RAPGEF4: variants seen among roughly 807,000 people sequenced by gnomAD.
The protein encoded by RAPGEF4 is RAP guanine-nucleotide-exchange factor (GEF) 4.
In RAPGEF4, 66 loss-of-function variants were observed where a neutral mutation model predicts 147.9. That is an observed-to-expected ratio of 0.45 (90% CI 0.37 to 0.55). The LOEUF is 0.55. Among genes scored for constraint, RAPGEF4 ranks in the 20% least tolerant of loss-of-function variants. RAPGEF4 has a pLI of 0.00. For missense variants in RAPGEF4, 1,071 were observed against 1,257.3 expected (o/e 0.85, Z 2.24); for synonymous variants, 419 against 442.7 (o/e 0.95, Z 0.67).
intron 29 of RAPGEF4, among the ~76,000 whole-genome samples, chr2:173,047,869 G>T (rs189547749): frequency 1.1e-4 from 17 of 152,170 alleles, no homozygotes; most frequent in African/African-American, 3.9e-4. Context: ...GTAGAGAGGG[G>T]GTTTCACCGT....
intron 15 of RAPGEF4, among the ~76,000 whole-genome samples, chr2:172,991,615 C>G (rs1692847570): frequency 6.6e-6 from 1 of 152,080 alleles, no homozygotes; most frequent in Non-Finnish European, 1.5e-5. Flanking sequence ...TAAGAAATTA[C>G]AGAAAATTGC....
At chr2:172,911,189 G>C (rs1426240012) in intron 4 of RAPGEF4, among the ~76,000 whole-genome samples, 2 of 152,162 alleles carry the variant, frequency 1.3e-5, no homozygotes, top group Non-Finnish European at 2.9e-5. Flanking sequence ...CTTGAATGCT[G>C]TTTCTTAGGT....
In RAPGEF4 at chr2:173,046,776, T is replaced by A. The variant is rs545738477; in HGVS notation, c.2854-1824T>A. 4.6e-5 allele frequency among the ~76,000 whole-genome samples: 7 copies of A among 152,340 alleles called. No homozygotes were observed. In the East Asian group the frequency reaches 1.3e-3, roughly 29 times the overall value. ...TTCACGATCTTTGATGAAGTGAAGT[T>A]CTAACTTTTCCAATTGCCTCTTTGT... On this transcript the variant is annotated intron_variant, in intron 29 of 30. Coordinates refer to ENST00000397081, the MANE Select transcript of RAPGEF4 (RefSeq NM_007023.4).
At chr2:172,837,354 G>T (rs1266495724) in intron 4 of RAPGEF4, among the ~76,000 whole-genome samples, 1 of 152,116 alleles carries the variant, frequency 6.6e-6, no homozygotes, top group African/African-American at 2.4e-5. Context: ...TAAGGAGCTT[G>T]CCCAGGGTTG....
chr2:172,739,884 C>A (rs1222845358), intron 1 of RAPGEF4, among the ~76,000 whole-genome samples: 1 of 152,210 alleles, frequency 6.6e-6, no homozygotes, highest in Non-Finnish European at 1.5e-5. Flanking sequence ...TGGGCCAGAT[C>A]TGACAGCTTG....
chr2:173,014,593 C>T lies in RAPGEF4; in HGVS notation c.1788C>T (p.Asp596=), dbSNP rs367551318. Residue 596 remains aspartate, a synonymous_variant, in exon 18 of 31, where the codon GAC becomes GAT. Coordinates refer to ENST00000397081, the MANE Select transcript of RAPGEF4 (RefSeq NM_007023.4). ...ATGGAGACCTCCTGCAAGAGGATGA[C>T]GTGTCTATGGCCTTCCTGGAGGTAG... is the stretch of plus-strand genomic sequence containing the variant. ...AMYGDLLQED[D]VSMAFLEEFY... 1.4e-5 allele frequency: 23 copies of T among 1,613,820 alleles called. No homozygotes were observed. The highest frequency in any genetic ancestry group is 8.3e-5 in the Admixed American group (5 of 59,980).
At chr2:172,784,330 A>T (rs1679614421) in intron 1 of RAPGEF4, among the ~76,000 whole-genome samples, 5 of 152,102 alleles carry the variant, frequency 3.3e-5, no homozygotes, top group Admixed American at 2.6e-4. Context: ...CATCTTGGCT[A>T]ACACATTGAA....
At chr2:172,818,424 T>C (rs753060584) in intron 4 of RAPGEF4, among the ~76,000 whole-genome samples, 4 of 152,164 alleles carry the variant, frequency 2.6e-5, no homozygotes, top group Non-Finnish European at 5.9e-5. Context: ...GCCTCCACCA[T>C]CAGGGAGCTA....
At chr2:172,877,979 G>T (rs887333953) in intron 4 of RAPGEF4, among the ~76,000 whole-genome samples, 1 of 152,200 alleles carries the variant, frequency 6.6e-6, no homozygotes, top group African/African-American at 2.4e-5. Flanking sequence ...TAAACTCTAA[G>T]AAACTTTGTC....
chr2:172,875,706 G>C (rs987001563), intron 4 of RAPGEF4, among the ~76,000 whole-genome samples: 8 of 152,216 alleles, frequency 5.3e-5, no homozygotes, highest in Admixed American at 3.3e-4. Flanking sequence ...TGTTCTTTTT[G>C]CTTAGGATTG....
chr2:172,792,184 C>A (rs1685892787), intron 1 of RAPGEF4, among the ~76,000 whole-genome samples: 1 of 152,210 alleles, frequency 6.6e-6, no homozygotes, highest in Non-Finnish European at 1.5e-5. Flanking sequence ...GTCTGGGATC[C>A]CCCAGTAGGG....
chr2:172,754,198 TTATGACTTTA>T (rs918655008), intron 1 of RAPGEF4, among the ~76,000 whole-genome samples: 4 of 152,208 alleles, frequency 2.6e-5, no homozygotes, highest in African/African-American at 9.6e-5. Flanking sequence ...AGCTTGAACT[TTATGACTTTA>T]TACCTTTTAA....
chr2:172,821,666 T>C, intron 4 of RAPGEF4: 1 of 1,045,446 alleles, frequency 9.6e-7, no homozygotes, highest in Non-Finnish European at 1.1e-6. Flanking sequence ...TCTTCAAGCT[T>C]TTCCATGGAG....
intron 4 of RAPGEF4, among the ~76,000 whole-genome samples, chr2:172,908,172 G>A (rs189264141): frequency 6.6e-6 from 1 of 152,346 alleles, no homozygotes; most frequent in East Asian, 1.9e-4. Context: ...AGCCAGATCA[G>A]AATTTCTTTG....
intron 4 of RAPGEF4, among the ~76,000 whole-genome samples, chr2:172,868,673 G>C (rs1171998609): frequency 6.6e-6 from 1 of 152,192 alleles, no homozygotes; most frequent in East Asian, 1.9e-4. Flanking sequence ...CATAGTTCTA[G>C]CTTCATCTTA....
At chr2:173,032,923 G>C (rs1266997036) in intron 26 of RAPGEF4, among the ~76,000 whole-genome samples, 1 of 152,164 alleles carries the variant, frequency 6.6e-6, no homozygotes, top group Non-Finnish European at 1.5e-5. Context: ...CCCAGGGGTT[G>C]GTTGATGAGT....
At chr2:172,756,791 C>A (rs1021996205) in intron 1 of RAPGEF4, among the ~76,000 whole-genome samples, 1 of 152,150 alleles carries the variant, frequency 6.6e-6, no homozygotes, top group African/African-American at 2.4e-5. Context: ...CTATCCCTTG[C>A]AGAAATGACT....
At chr2:172,894,321 T>C (rs1275594765) in intron 4 of RAPGEF4, 3 of 152,266 alleles carry the variant, frequency 2.0e-5, no homozygotes, top group Non-Finnish European at 4.4e-5. Context: ...CGCTGTCCTG[T>C]AGAAACAGTT....
chr2:172,928,491 G>T, intron 6 of RAPGEF4: 1 of 225,812 alleles, frequency 4.4e-6, no homozygotes, highest in Non-Finnish European at 9.0e-6. Flanking sequence ...CCTGGACATT[G>T]TTCCTAGGAC....
Sources: allele counts gnomAD v4.1 joint callset (sites outside exome capture counted in the v4.1 genomes callset), GRCh38; gene constraint gnomAD v4.1.1; transcripts MANE v1.5; gene names NCBI Gene and HGNC (gene_info 2026-07-23, HGNC 2026-07-21).